FRAS1: variants seen among roughly 807,000 people sequenced by gnomAD.
FRAS1 encodes extracellular matrix organizing protein FRAS1.
In FRAS1, 290 loss-of-function variants were observed where a neutral mutation model predicts 435.2. The ratio of observed to expected loss-of-function variants is 0.67; its 90% CI spans 0.61 to 0.73. FRAS1 has a LOEUF of 0.73. Ranked by LOEUF, FRAS1 falls within the 30% of genes least tolerant of loss-of-function variation. FRAS1 has a pLI of 0.00. For synonymous variants in FRAS1, 1,800 were observed against 1,851.0 expected (o/e 0.97, Z 0.71); for missense variants, 4,860 against 5,001.5 (o/e 0.97, Z 0.85).
intron 20 of FRAS1, among the ~76,000 whole-genome samples, chr4:78,356,919 A>G (rs865853387): frequency 6.6e-6 from 1 of 152,086 alleles, no homozygotes; most frequent in Non-Finnish European, 1.5e-5. Flanking sequence ...GAGATTCCCA[A>G]TTGCCTTTAC....
intron 58 of FRAS1, among the ~76,000 whole-genome samples, chr4:78,487,192 G>T (rs1331073890): frequency 6.6e-6 from 1 of 152,152 alleles, no homozygotes. Flanking sequence ...TAACTGGTTA[G>T]GCCTACAGTT....
chr4:78,213,963 G>T (rs2110087894), intron 2 of FRAS1, among the ~76,000 whole-genome samples: 1 of 152,328 alleles, frequency 6.6e-6, no homozygotes, highest in South Asian at 2.1e-4. Flanking sequence ...TTTAATAGGT[G>T]GTGGGTTCAT....
chr4:78,070,237 G>A (rs374251684), intron 2 of FRAS1, among the ~76,000 whole-genome samples: 1 of 112,802 alleles, frequency 8.9e-6, no homozygotes, highest in African/African-American at 3.3e-5. Flanking sequence ...TTATATATGT[G>A]TATATATGTA....
At chr4:78,447,303 A>AAAAC (rs1161136937) in intron 43 of FRAS1, among the ~76,000 whole-genome samples, 4 of 147,636 alleles carry the variant, frequency 2.7e-5, no homozygotes, top group South Asian at 2.2e-4. Flanking sequence ...AAAAAAAAAA[A>AAAAC]ACACTTTTCC....
In FRAS1 at chr4:78,543,082, G is replaced by A. The variant is rs1722104788; in HGVS notation, c.*1958G>A. 6.6e-6 allele frequency: 1 copy of A among 152,200 alleles called. No homozygotes were observed. The highest frequency in any genetic ancestry group is 6.5e-5 in the Admixed American group (1 of 15,282). 9.4% of individuals were successfully genotyped at this position (152,200 alleles called of 1,614,324 possible). A position where few individuals can be genotyped will look rare whatever the true frequency, so the allele number is the denominator to read the frequency against. On this transcript the variant is annotated 3_prime_UTR_variant, in exon 74 of 74. Transcript: ENST00000512123. ...GAGTGTCAGGTTTTCAGGAGAGAAT[G>A]AGTTGGGGTGAGCCCAGAGTCTGAA...
At chr4:78,138,837 A>G (rs1720035583) in intron 2 of FRAS1, among the ~76,000 whole-genome samples, 1 of 152,192 alleles carries the variant, frequency 6.6e-6, no homozygotes, top group Admixed American at 6.5e-5. Context: ...ATAAGTTGCT[A>G]TTATACTGTA....
chr4:78,178,524 A>G (rs7688981), intron 2 of FRAS1, among the ~76,000 whole-genome samples: 39,174 of 152,190 alleles, frequency 0.26, 6,179 homozygotes, highest in East Asian at 0.38. Flanking sequence ...GTGGGCATCA[A>G]CATAAAAATT....
chr4:78,127,033 C>A (rs1214462050), intron 2 of FRAS1, among the ~76,000 whole-genome samples: 1 of 151,764 alleles, frequency 6.6e-6, no homozygotes, highest in Non-Finnish European at 1.5e-5. Context: ...CAGGATAGAA[C>A]TTTGATGCTC....
intron 2 of FRAS1, among the ~76,000 whole-genome samples, chr4:78,164,252 G>A (rs1353707091): frequency 6.6e-6 from 1 of 152,106 alleles, no homozygotes; most frequent in Non-Finnish European, 1.5e-5. Context: ...GAAAGGGAGG[G>A]GTAGTATGCG....
intron 58 of FRAS1, among the ~76,000 whole-genome samples, chr4:78,487,176 G>A (rs1446128920): frequency 1.3e-5 from 2 of 152,174 alleles, no homozygotes; most frequent in Non-Finnish European, 2.9e-5. Flanking sequence ...CTGGGTTACG[G>A]AGCCCTAACT....
At chr4:78,086,827 C>T (rs949011267) in intron 2 of FRAS1, among the ~76,000 whole-genome samples, 33 of 152,038 alleles carry the variant, frequency 2.2e-4, no homozygotes, top group African/African-American at 6.8e-4. Flanking sequence ...GATTCACAGC[C>T]GAATTCTACC....
At chr4:78,291,280 G>A (rs1401138740) in intron 14 of FRAS1, among the ~76,000 whole-genome samples, 1 of 152,170 alleles carries the variant, frequency 6.6e-6, no homozygotes, top group East Asian at 1.9e-4. Flanking sequence ...TCCATGGACC[G>A]GGGAGCTGGG....
At chr4:78,380,965 T>C (rs930389332) in intron 27 of FRAS1, among the ~76,000 whole-genome samples, 1 of 152,222 alleles carries the variant, frequency 6.6e-6, no homozygotes, top group African/African-American at 2.4e-5. Context: ...CCAGGCATCA[T>C]GTTAGGCACT....
At chr4:78,385,997 CT>C (rs1732205315) in intron 28 of FRAS1, among the ~76,000 whole-genome samples, 1 of 151,808 alleles carries the variant, frequency 6.6e-6, no homozygotes, top group Admixed American at 6.6e-5. Flanking sequence ...CACTCAGAAA[CT>C]TTGTTTCGTT....
rs767532637 is a variant in FRAS1 at position 78,387,692 on chromosome 4, C to T, written c.3966C>T (p.Thr1322=). Residue 1322 remains threonine, a synonymous_variant, in exon 29 of 74, where the codon ACC becomes ACT. Transcript: ENST00000512123. ...SFHNILFQVK[T]VPQNDRGLQL... is the part of the protein sequence containing the mutation. ...ATAATATACTGTTCCAAGTGAAGAC[C>T]GTGCCTCAGGTAGGTGTCATTCCTA... The T allele has an allele frequency of 2.8e-5, 42 of 1,516,970 alleles. No individual in the cohort carries two copies. The highest frequency in any genetic ancestry group is 2.7e-4 in the Admixed American group (14 of 51,032). The allele number at this position is 1,516,970 out of a possible 1,614,324, so 94.0% of individuals were successfully genotyped here. A position where few individuals can be genotyped will look rare whatever the true frequency, so the allele number is the denominator to read the frequency against.
At position 78,380,016 on chromosome 4, in the gene FRAS1, T is replaced by C. The variant is rs1373721471; in HGVS notation, c.3563+20T>C. The C allele has an allele frequency of 1.2e-6, 2 of 1,604,604 alleles. No homozygotes were observed. The highest frequency in any genetic ancestry group is 4.5e-5 in the East Asian group (2 of 44,768). ...ACTCAGGTGACTCTGTGTTCTGTTG[T>C]TTTCTTCCTGCCTCCTTTCCATCAT... On this transcript the variant is annotated intron_variant, in intron 27 of 73. Transcript: ENST00000512123.
At chr4:78,191,933 G>C (rs559096754) in intron 2 of FRAS1, among the ~76,000 whole-genome samples, 12 of 152,160 alleles carry the variant, frequency 7.9e-5, no homozygotes, top group African/African-American at 9.6e-5. Context: ...TCTTAATCCA[G>C]TCTATCATTG....
chr4:78,438,148 C>T (rs906142537), intron 38 of FRAS1, among the ~76,000 whole-genome samples: 3 of 152,060 alleles, frequency 2.0e-5, no homozygotes, highest in Non-Finnish European at 2.9e-5. Context: ...TTGCCTGTTT[C>T]TTAAAAGCAA....
At chr4:78,525,156 G>C (rs1721491925) in intron 69 of FRAS1, among the ~76,000 whole-genome samples, 1 of 152,172 alleles carries the variant, frequency 6.6e-6, no homozygotes, top group Admixed American at 6.5e-5. Context: ...GCAGCCTCTG[G>C]CTTCTACTCT....
Sources: gnomAD v4.1 joint callset for allele counts (sites outside exome capture counted in the v4.1 genomes callset) on GRCh38, gnomAD v4.1.1 for gene constraint, MANE v1.5 for transcripts, NCBI Gene and HGNC (gene_info 2026-07-23, HGNC 2026-07-21) for gene names.